Variants in CDH26 observed in about 807,000 individuals in gnomAD.
CDH26 encodes the protein cadherin 26.
CDH26 carries 83 observed loss-of-function variants against 90.3 expected under a neutral mutation model. The observed-to-expected ratio is 0.92, with a 90% CI of 0.77 to 1.10. The LOEUF is 1.10. Ranked by LOEUF, CDH26 falls within the 50% of genes least tolerant of loss-of-function variation. The probability of loss-of-function intolerance (pLI) is 0.00; values close to 1 mark genes in which losing one functional copy is unlikely to be tolerated. For missense variants in CDH26, 1,013 were observed against 1,037.6 expected (o/e 0.98, Z 0.33); for synonymous variants, 397 against 396.3 (o/e 1.00, Z -0.02).
At chr20:59,997,896 C>A (rs2061620149) in intron 13 of CDH26, among the ~76,000 whole-genome samples, 1 of 152,336 alleles carries the variant, frequency 6.6e-6, no homozygotes, top group South Asian at 2.1e-4. Flanking sequence ...TCCCAGGGTT[C>A]TTTGAATTTT....
intron 16 of CDH26, among the ~76,000 whole-genome samples, chr20:60,004,022 G>C (rs1014152225): frequency 6.6e-6 from 1 of 152,196 alleles, no homozygotes; most frequent in Admixed American, 6.5e-5. Flanking sequence ...AGGGTACTTT[G>C]TACATAGCCC....
chr20:60,033,700 T>C (rs1329638997), exon 9 of CDH26: 1 of 1,286,606 alleles, frequency 7.8e-7, no homozygotes, highest in Admixed American at 2.5e-5. Context: ...TGGAGGGGCA[T>C]GGGCCTGCTG....
chr20:59,969,621 C>G (rs1601096164), intron 2 of CDH26, among the ~76,000 whole-genome samples: 3 of 152,322 alleles, frequency 2.0e-5, no homozygotes, highest in East Asian at 3.9e-4. Context: ...AAGTCACTCT[C>G]TTTCTCTTTG....
chr20:60,002,750 G>T (rs747518873), intron 15 of CDH26, 63 bp from the exon 16 acceptor site: 1,005 of 1,305,440 alleles, frequency 7.7e-4, no homozygotes, highest in Non-Finnish European at 1.0e-3. Flanking sequence ...AGAATTTCTA[G>T]TTATGTATTT....
intron 9 of CDH26, among the ~76,000 whole-genome samples, chr20:59,990,793 T>C (rs993236484): frequency 8.5e-5 from 13 of 152,110 alleles, no homozygotes; most frequent in South Asian, 4.1e-4. Flanking sequence ...GCTGTCAAAC[T>C]ATAGTGTGTA....
chr20:60,024,259 C>T (rs895088027), intron 7 of CDH26, among the ~76,000 whole-genome samples: 1 of 152,162 alleles, frequency 6.6e-6, no homozygotes. Flanking sequence ...AGGGCATACC[C>T]TTTGCCCCCC....
At chr20:59,984,925 T>G in intron 6 of CDH26, 76 bp from the exon 7 acceptor site, 2 of 1,574,644 alleles carry the variant, frequency 1.3e-6, no homozygotes, top group Non-Finnish European at 1.7e-6. Flanking sequence ...TTGAAATTCC[T>G]AAACAGAATA....
At chr20:60,027,091 AG>A (rs1426634085) in intron 7 of CDH26, among the ~76,000 whole-genome samples, 2 of 152,138 alleles carry the variant, frequency 1.3e-5, no homozygotes, top group Non-Finnish European at 2.9e-5. Context: ...GGGTAGGGGC[AG>A]TAGGTGGTCA....
At chr20:60,033,849 CTT>C in exon 9 of CDH26, 1 of 1,002,502 alleles carries the variant, frequency 1.0e-6, no homozygotes. Context: ...TCATAAATAA[CTT>C]TTCCTCTGCA....
chr20:60,025,603 A>G (rs1448879876), intron 7 of CDH26, among the ~76,000 whole-genome samples: 1 of 152,174 alleles, frequency 6.6e-6, no homozygotes, highest in African/African-American at 2.4e-5. Context: ...GGTGTGGTGA[A>G]GGGCAGATGA....
chr20:59,977,655 A>G (rs2061342868), intron 4 of CDH26, among the ~76,000 whole-genome samples: 1 of 147,450 alleles, frequency 6.8e-6, no homozygotes, highest in Non-Finnish European at 1.5e-5. Context: ...CACAGTTCCC[A>G]TCCTCCCCTC....
At chr20:59,969,251 A>G (rs1371981937) in intron 2 of CDH26, among the ~76,000 whole-genome samples, 3 of 152,226 alleles carry the variant, frequency 2.0e-5, no homozygotes, top group Admixed American at 6.5e-5. Flanking sequence ...TCAAAATTCA[A>G]CTGTACACCA....
chr20:59,994,585 A>G, intron 11 of CDH26, 96 bp downstream of exon 11: 1 of 1,470,598 alleles, frequency 6.8e-7, no homozygotes, highest in Admixed American at 2.0e-5. Context: ...AGCTTAAAAA[A>G]CCGGAGAGGT....
chr20:59,958,689 T>G lies in CDH26; in HGVS notation c.-38T>G, dbSNP rs6071043. 0.062 allele frequency: 99,910 copies of G among 1,605,512 alleles called. 5,473 individuals are homozygous for G. The highest frequency in any genetic ancestry group is 0.29 in the African/African-American group (22,037 of 74,782). On this transcript the variant is annotated 5_prime_UTR_variant, in exon 1 of 18. Coordinates refer to ENST00000348616, the MANE Select transcript of CDH26 (RefSeq NM_177980.4). Reference sequence around the variant, plus strand: ...GACCACCAGCTTGGAGGACTGGTCATCAGCTGCACGTTCTGGGTCTGTCTT... The same window carrying G: ...GACCACCAGCTTGGAGGACTGGTCAGCAGCTGCACGTTCTGGGTCTGTCTT...
chr20:60,020,095 G>C (rs1253852898), intron 7 of CDH26, among the ~76,000 whole-genome samples: 2 of 152,212 alleles, frequency 1.3e-5, no homozygotes, highest in African/African-American at 4.8e-5. Flanking sequence ...TGCACACAGT[G>C]GGTGAGCCAA....
intron 7 of CDH26, among the ~76,000 whole-genome samples, chr20:60,021,063 G>A (rs2061948499): frequency 6.6e-6 from 1 of 152,170 alleles, no homozygotes; most frequent in Non-Finnish European, 1.5e-5. Flanking sequence ...CTGCATGACA[G>A]CATTCTCTTT....
At chr20:59,986,733 A>G (rs1024439609) in intron 7 of CDH26, among the ~76,000 whole-genome samples, 2 of 152,180 alleles carry the variant, frequency 1.3e-5, no homozygotes, top group Non-Finnish European at 2.9e-5. Context: ...AATGTGGCAC[A>G]TAGAAGCTGT....
At chr20:59,962,487 T>G (rs961147051) in intron 1 of CDH26, among the ~76,000 whole-genome samples, 1 of 152,146 alleles carries the variant, frequency 6.6e-6, no homozygotes, top group African/African-American at 2.4e-5. Context: ...TGTCATGACA[T>G]GGCATCATCC....
intron 15 of CDH26, 122 bp downstream of exon 15, chr20:60,001,533 T>C (rs2061677271): frequency 6.9e-7 from 1 of 1,441,530 alleles, no homozygotes. Context: ...ACATAGTCAA[T>C]GAAAATCTGA....
Sources: allele counts gnomAD v4.1 joint callset (sites outside exome capture counted in the v4.1 genomes callset), GRCh38; gene constraint gnomAD v4.1.1; transcripts MANE v1.5; gene names NCBI Gene and HGNC (gene_info 2026-07-23, HGNC 2026-07-21).